The following SPMIP11 variants were observed in gnomAD, a reference collection of about 807,000 sequenced individuals.
SPMIP11 encodes the protein long intergenic non-protein coding RNA 935.
At chr12:48,769,798 G>A in the SPMIP11 span, among the ~76,000 whole-genome samples, 12 of 140,640 alleles carry the variant, frequency 8.5e-5, no homozygotes, top group African/African-American at 3.2e-4. Flanking sequence ...GTCTCGCTCT[G>A]TCACCCAGGC....
At chr12:48,765,129 C>T in the SPMIP11 span, 1 of 593,990 alleles carries the variant, frequency 1.7e-6, no homozygotes, top group Non-Finnish European at 3.0e-6. Flanking sequence ...AGAAAACTGG[C>T]CCCAGAATTT....
At chr12:48,742,650 G>A in the SPMIP11 span, among the ~76,000 whole-genome samples, 24 of 152,046 alleles carry the variant, frequency 1.6e-4, no homozygotes, top group South Asian at 4.2e-4. Context: ...TTGGGAGGCC[G>A]AGGCGGGTGG....
the SPMIP11 span, chr12:48,770,877 C>A: frequency 1.2e-6 from 2 of 1,614,112 alleles, no homozygotes; most frequent in Admixed American, 1.7e-5. Flanking sequence ...CCCACCTGAT[C>A]GTAGGTGCTG....
the SPMIP11 span, chr12:48,759,273 G>A: frequency 1.4e-6 from 1 of 702,982 alleles, no homozygotes; most frequent in East Asian, 2.7e-5. Flanking sequence ...ATTATTCCGT[G>A]CACCAGAATA....
At chr12:48,746,580 T>A in the SPMIP11 span, among the ~76,000 whole-genome samples, 1 of 151,702 alleles carries the variant, frequency 6.6e-6, no homozygotes, top group Non-Finnish European at 1.5e-5. Flanking sequence ...TTGGTCAGGC[T>A]GATCTCGAAC....
chr12:48,740,493 C>CT, the SPMIP11 span, among the ~76,000 whole-genome samples: 3,265 of 138,456 alleles, frequency 0.024, 60 homozygotes, highest in Middle Eastern at 0.056. Flanking sequence ...AAATGTCTCT[C>CT]TTTTTTTTTT....
the SPMIP11 span, among the ~76,000 whole-genome samples, chr12:48,736,497 A>G: frequency 6.6e-6 from 1 of 151,932 alleles, no homozygotes; most frequent in Non-Finnish European, 1.5e-5. Context: ...TCTTTCCCCA[A>G]TACTTCAACA....
At chr12:48,761,661 T>C in the SPMIP11 span, among the ~76,000 whole-genome samples, 1 of 142,190 alleles carries the variant, frequency 7.0e-6, no homozygotes, top group Non-Finnish European at 1.5e-5. Context: ...TGTAAGCTGA[T>C]AAAAAATACA....
chr12:48,732,657 C>T, the SPMIP11 span, among the ~76,000 whole-genome samples: 9 of 151,814 alleles, frequency 5.9e-5, no homozygotes, highest in South Asian at 2.1e-4. Context: ...GTAATCTCAG[C>T]TACTCGGGAG....
chr12:48,742,858 C>A, the SPMIP11 span, among the ~76,000 whole-genome samples: 2 of 151,970 alleles, frequency 1.3e-5, no homozygotes, highest in East Asian at 3.9e-4. Context: ...GCACTCCAGA[C>A]TGGGCAACAA....
the SPMIP11 span, among the ~76,000 whole-genome samples, chr12:48,752,268 C>T: frequency 6.6e-6 from 1 of 152,130 alleles, no homozygotes; most frequent in African/African-American, 2.4e-5. Flanking sequence ...CTACTCAAGA[C>T]ATACTTGCCA....
the SPMIP11 span, among the ~76,000 whole-genome samples, chr12:48,741,523 A>T: frequency 6.6e-6 from 1 of 152,108 alleles, no homozygotes; most frequent in Non-Finnish European, 1.5e-5. Flanking sequence ...ATTTGGTCCC[A>T]TTACTGGTAA....
chr12:48,728,662 C>G, the SPMIP11 span, among the ~76,000 whole-genome samples: 3 of 136,654 alleles, frequency 2.2e-5, no homozygotes, highest in African/African-American at 8.3e-5. Context: ...GAGCTGAAAT[C>G]GAGCCACTGC....
chr12:48,747,850 C>A, the SPMIP11 span, among the ~76,000 whole-genome samples: 1 of 152,152 alleles, frequency 6.6e-6, no homozygotes, highest in East Asian at 1.9e-4. Flanking sequence ...TCTGGGAGTT[C>A]ATTATAAGGC....
At chr12:48,728,621 T>C in the SPMIP11 span, among the ~76,000 whole-genome samples, 1 of 142,610 alleles carries the variant, frequency 7.0e-6, no homozygotes, top group Non-Finnish European at 1.5e-5. Flanking sequence ...GGCAGGAGAA[T>C]GGTGTGAACC....
At chr12:48,759,711 T>C in the SPMIP11 span, among the ~76,000 whole-genome samples, 1 of 149,792 alleles carries the variant, frequency 6.7e-6, no homozygotes, top group Non-Finnish European at 1.5e-5. Context: ...TTGGGTATGG[T>C]TATCAGGCAG....
chr12:48,730,114 G>A, the SPMIP11 span, among the ~76,000 whole-genome samples: 13 of 151,884 alleles, frequency 8.6e-5, no homozygotes, highest in Non-Finnish European at 1.3e-4. Flanking sequence ...GTGTACAGCC[G>A]ACCAATTGTC....
chr12:48,759,364 G>GA, the SPMIP11 span: 304 of 700,556 alleles, frequency 4.3e-4, 2 homozygotes, highest in African/African-American at 4.0e-3. Flanking sequence ...CATGCTAGGA[G>GA]AAAAAAAGAT....
the SPMIP11 span, among the ~76,000 whole-genome samples, chr12:48,744,675 T>C: frequency 6.6e-6 from 1 of 151,428 alleles, no homozygotes; most frequent in Non-Finnish European, 1.5e-5. Flanking sequence ...GCCAAGATCG[T>C]GCCACTGCAC....
Sources: allele counts gnomAD v4.1 joint callset (sites outside exome capture counted in the v4.1 genomes callset), GRCh38; gene constraint gnomAD v4.1.1; transcripts MANE v1.5; gene names NCBI Gene and HGNC (gene_info 2026-07-23, HGNC 2026-07-21).